The following LIPG variants were observed in gnomAD, a reference collection of about 807,000 sequenced individuals.
The protein encoded by LIPG is endothelial lipase.
Under a neutral mutation model 51.8 loss-of-function variants are expected in LIPG, and 34 were observed. That is an observed-to-expected ratio of 0.66 (90% CI 0.50 to 0.87). The LOEUF is 0.87. Among genes scored for constraint, LIPG ranks in the 40% least tolerant of loss-of-function variants. The pLI, the probability that LIPG is intolerant of heterozygous loss-of-function variation, is 0.00. For synonymous variants in LIPG, 246 were observed against 246.1 expected (o/e 1.00, Z 0.00); for missense variants, 580 against 652.7 (o/e 0.89, Z 1.21).
chr18:49,577,993 C>T lies in LIPG; in HGVS notation c.793+2403C>T, dbSNP rs1421437337. ...GGGGCTGACCCCCCCACCTCCCTCC[C>T]GGACGGCACGGCTGGCCAGGCGGGG... On this transcript the variant is annotated intron_variant, in intron 5 of 9. Transcript: ENST00000261292. 9.3e-5 allele frequency among the ~76,000 whole-genome samples: 13 copies of T among 140,538 alleles called. No individual in the cohort carries two copies. In the East Asian group the frequency reaches 1.9e-3, roughly 21 times the overall value. The allele number at this position is 140,538 out of a possible 152,430, so 92.2% of individuals were successfully genotyped here. A position where few individuals can be genotyped will look rare whatever the true frequency, so the allele number is the denominator to read the frequency against.
intron 8 of LIPG, among the ~76,000 whole-genome samples, chr18:49,585,587 T>C (rs1276381151): frequency 6.6e-6 from 1 of 152,240 alleles, no homozygotes; most frequent in African/African-American, 2.4e-5. Context: ...AGTTGAGTTG[T>C]TGCTTTTTTG....
At position 49,562,291 on chromosome 18, in the gene LIPG, G is replaced by T. The variant is rs747202939; in HGVS notation, c.-18G>T. 6.0e-5 allele frequency: 96 copies of T among 1,608,690 alleles called. No individual in the cohort carries two copies. Among genetic ancestry groups the T allele is most frequent in the African/African-American group, 8.0e-5 (6 of 74,844 alleles). On this transcript the variant is annotated 5_prime_UTR_variant, in exon 1 of 10. Transcript: ENST00000261292. The stretch of plus-strand genomic sequence containing the variant: ...TTTTAAAACTTCTGTTTCTTGGGAG[G>T]GGGTGTGGCGGGGCAGGATGAGCAA...
intron 9 of LIPG, among the ~76,000 whole-genome samples, chr18:49,589,135 G>A (rs1451389088): frequency 6.6e-6 from 1 of 152,062 alleles, no homozygotes; most frequent in South Asian, 2.1e-4. Flanking sequence ...CGTCTGTCTG[G>A]GTATCAATTA....
chr18:49,573,472 C>G (rs1042557053), intron 4 of LIPG, among the ~76,000 whole-genome samples: 1 of 151,772 alleles, frequency 6.6e-6, no homozygotes, highest in Non-Finnish European at 1.5e-5. Flanking sequence ...CCCAGCTACT[C>G]AGGAGGCTGA....
At chr18:49,572,777 C>T (rs1318679994) in intron 4 of LIPG, among the ~76,000 whole-genome samples, 1 of 151,858 alleles carries the variant, frequency 6.6e-6, no homozygotes, top group Non-Finnish European at 1.5e-5. Flanking sequence ...ACAGCAGGCC[C>T]TGCCCTGCCG....
chr18:49,578,375 A>C (rs1600556866), intron 5 of LIPG, among the ~76,000 whole-genome samples: 1 of 120,220 alleles, frequency 8.3e-6, no homozygotes, highest in African/African-American at 3.4e-5. Context: ...CGCTCCTCAC[A>C]TCCCAGATGG....
At chr18:49,583,316 A>G (rs1255258665) in intron 7 of LIPG, among the ~76,000 whole-genome samples, 1 of 152,170 alleles carries the variant, frequency 6.6e-6, no homozygotes, top group Non-Finnish European at 1.5e-5. Flanking sequence ...GGGGGTGCCC[A>G]GGAATCGTTT....
chr18:49,585,387 A>G (rs1278717202), intron 8 of LIPG, among the ~76,000 whole-genome samples: 3 of 152,260 alleles, frequency 2.0e-5, no homozygotes, highest in East Asian at 1.9e-4. Flanking sequence ...GTCTGTGTAC[A>G]TAAACAATGT....
At position 49,592,848 on chromosome 18, in the gene LIPG, A is replaced by G. The variant is rs1043930382; in HGVS notation, c.*2326A>G. 6.6e-5 allele frequency: 10 copies of G among 151,970 alleles called. No individual in the cohort carries two copies. The highest frequency in any genetic ancestry group is 2.4e-4 in the African/African-American group (10 of 41,434). 9.4% of individuals were successfully genotyped at this position (151,970 alleles called of 1,614,324 possible). A position where few individuals can be genotyped will look rare whatever the true frequency, so the allele number is the denominator to read the frequency against. On this transcript the variant is annotated 3_prime_UTR_variant, in exon 10 of 10. Coordinates refer to ENST00000261292, the MANE Select transcript of LIPG (RefSeq NM_006033.4). ...ATATGGTTAGTGTTTACCTAAGGTT[A>G]ACCAATTTCAAGATTAAAATTTTTA...
At chr18:49,580,225 T>C (rs1374365587) in intron 5 of LIPG, among the ~76,000 whole-genome samples, 1 of 152,230 alleles carries the variant, frequency 6.6e-6, no homozygotes, top group Admixed American at 6.5e-5. Flanking sequence ...CCAAATTGTA[T>C]GCCTAACTTT....
At chr18:49,587,318 C>T (rs2084892267) in intron 9 of LIPG, among the ~76,000 whole-genome samples, 1 of 151,926 alleles carries the variant, frequency 6.6e-6, no homozygotes. Context: ...CGCCTGTAAT[C>T]CCAGCACTTT....
chr18:49,586,641 G>T, intron 8 of LIPG, 105 bp from the exon 9 acceptor site: 1 of 812,064 alleles, frequency 1.2e-6, no homozygotes, highest in Non-Finnish European at 2.2e-6. Flanking sequence ...GGCATGGCAT[G>T]AAAATTTCAC....
rs2156500 is a variant in LIPG at position 49,599,002 on chromosome 18, G to A, written c.*8480G>A. On this transcript the variant is annotated 3_prime_UTR_variant, in exon 10 of 10. Transcript: ENST00000261292. ...TAGATAAATAACATTTTGTTTATCC[G>A]TTTACTTGTTGATGAACTTTAAGTT... is the stretch of plus-strand genomic sequence containing the variant. 43,559 of 152,062 alleles carry A rather than the reference G, an allele frequency of 0.29. 6,682 individuals carry two copies. Among genetic ancestry groups the A allele is most frequent in the South Asian group, 0.4 (1,907 of 4,824 alleles). The allele number at this position is 152,062 out of a possible 1,614,324, so 9.4% of individuals were successfully genotyped here. A position where few individuals can be genotyped will look rare whatever the true frequency, so the allele number is the denominator to read the frequency against.
At chr18:49,589,954 G>C (rs9963190) in intron 9 of LIPG, 5,032 of 177,818 alleles carry the variant, frequency 0.028, 274 homozygotes, top group African/African-American at 0.11. Context: ...AACATGTTTA[G>C]CATCCTCCCT....
chr18:49,597,172 CAG>C lies in LIPG; in HGVS notation c.*6651_*6652del. 6.6e-6 allele frequency: 1 copy of C among 152,190 alleles called. No individual in the cohort carries two copies. Among genetic ancestry groups the C allele is most frequent in the East Asian group, 1.9e-4 (1 of 5,192 alleles). 9.4% of individuals were successfully genotyped at this position (152,190 alleles called of 1,614,324 possible). On this transcript the variant is annotated 3_prime_UTR_variant, in exon 10 of 10. Coordinates refer to ENST00000261292, the MANE Select transcript of LIPG (RefSeq NM_006033.4). ...AAAGGTTCCTGTTGGGATAGAGAAA[CAG>C]TGGAGCAGGGCAGCCACCTTACACA...
rs748869999 is a variant in LIPG, at chr18:49,567,564, G to T, written c.402G>T (p.Ala134=). ...LPLAHQLYTD[A]VNNTRVVGHS... ...TGGCCCACCAGCTTTACACGGATGC[G>T]GTCAATAATACCAGGGTGGTGGGAC... Residue 134 remains alanine, a synonymous_variant, in exon 3 of 10, where the codon GCG becomes GCT. Transcript: ENST00000261292. The T allele has an allele frequency of 3.7e-6, 6 of 1,614,000 alleles. No homozygotes were observed. The highest frequency in any genetic ancestry group is 5.1e-6 in the Non-Finnish European group (6 of 1,180,040).
rs34597464 is a variant in LIPG, at chr18:49,576,457, C to CTTTTTTTTTTTTTTTTTTTTTT, written c.793+873_793+894dup. ...TCTTTTTTTAAAAGACAGAATCTTG[C>CTTTTTTTTTTTTTTTTTTTTTT]TTTTTTTTTTTTTTTTTTTTTTTTT... On this transcript the variant is annotated intron_variant, in intron 5 of 9. Transcript: ENST00000261292. Among the ~76,000 whole-genome samples, 7 of 51,544 alleles carry CTTTTTTTTTTTTTTTTTTTTTT rather than the reference C, an allele frequency of 1.4e-4. 3 individuals carry two copies. Among genetic ancestry groups the CTTTTTTTTTTTTTTTTTTTTTT allele is most frequent in the African/African-American group, 4.2e-4 (5 of 11,790 alleles). 33.8% of individuals were successfully genotyped at this position (51,544 alleles called of 152,430 possible). A position where few individuals can be genotyped will look rare whatever the true frequency, so the allele number is the denominator to read the frequency against.
chr18:49,583,770 C>A lies in LIPG; in HGVS notation c.1372C>A (p.Arg458=), dbSNP rs769490055. The stretch of plus-strand genomic sequence containing the variant: ...CCGGGTGAAGTCTGGGGAAACCCAG[C>A]GGAAGTAAGTGCCTCCTGCTCCTTC... ...RIRVKSGETQ[R]KLTFCTEDPE... is the part of the protein sequence containing the mutation. Residue 458 remains arginine, a synonymous_variant, in exon 8 of 10, where the codon CGG becomes AGG. Transcript: ENST00000261292. The A allele has an allele frequency of 2.5e-6, 4 of 1,610,258 alleles. No individual in the cohort carries two copies. In the South Asian group the frequency reaches 3.3e-5, roughly 13 times the overall value.
intron 4 of LIPG, among the ~76,000 whole-genome samples, chr18:49,570,587 T>C (rs1298959095): frequency 2.0e-5 from 3 of 152,142 alleles, no homozygotes; most frequent in Non-Finnish European, 4.4e-5. Flanking sequence ...TCCCAGCACT[T>C]TGGGAGGCCG....
Sources: allele counts gnomAD v4.1 joint callset (sites outside exome capture counted in the v4.1 genomes callset), GRCh38; gene constraint gnomAD v4.1.1; transcripts MANE v1.5; gene names NCBI Gene and HGNC (gene_info 2026-07-23, HGNC 2026-07-21).